CSMD1: variants seen among roughly 807,000 people sequenced by gnomAD.
CSMD1 encodes CUB and sushi domain-containing protein 1.
CSMD1 carries 213 observed loss-of-function variants against 417.5 expected under a neutral mutation model. That is an observed-to-expected ratio of 0.51 (90% CI 0.46 to 0.57). CSMD1 has a LOEUF of 0.57. CSMD1 is among the 20% of genes least tolerant of loss of function. The probability of loss-of-function intolerance (pLI) is 0.00; values close to 1 mark genes in which losing one functional copy is unlikely to be tolerated. For synonymous variants in CSMD1, 2,862 were observed against 1,736.8 expected (o/e 1.65, Z -16.11); for missense variants, 6,923 against 4,529.7 (o/e 1.53, Z -15.17).
chr8:3,234,137 C>T (rs188222580), intron 26 of CSMD1, among the ~76,000 whole-genome samples: 6 of 152,272 alleles, frequency 3.9e-5, no homozygotes, highest in Non-Finnish European at 7.4e-5. Context: ...GTGGAAGCTC[C>T]ACATCACAGA....
intron 3 of CSMD1, among the ~76,000 whole-genome samples, chr8:4,122,550 C>T (rs372016344): frequency 2.6e-5 from 4 of 152,138 alleles, no homozygotes; most frequent in Non-Finnish European, 5.9e-5. Context: ...GCCAGTCACC[C>T]CGTGCTTTCC....
intron 50 of CSMD1, among the ~76,000 whole-genome samples, chr8:3,034,124 G>T (rs1213397568): frequency 6.6e-6 from 1 of 152,198 alleles, no homozygotes; most frequent in East Asian, 1.9e-4. Context: ...CTGCCTGATT[G>T]ATACACCTAT....
At chr8:3,459,514 G>C (rs186100731) in intron 12 of CSMD1, among the ~76,000 whole-genome samples, 485 of 152,234 alleles carry the variant, frequency 3.2e-3, no homozygotes, top group African/African-American at 0.011. Flanking sequence ...TCGGAGACAC[G>C]GATGAGAGCA....
At chr8:4,957,056 T>A (rs1314198506) in intron 1 of CSMD1, among the ~76,000 whole-genome samples, 1 of 152,228 alleles carries the variant, frequency 6.6e-6, no homozygotes, top group Non-Finnish European at 1.5e-5. Flanking sequence ...GGAAACACAT[T>A]AATTTGAGAC....
intron 1 of CSMD1, among the ~76,000 whole-genome samples, chr8:4,925,606 GTGC>G (rs1366533697): frequency 6.6e-6 from 1 of 151,248 alleles, no homozygotes; most frequent in Non-Finnish European, 1.5e-5. Context: ...GAGTGCAGTG[GTGC>G]AGTCTCGGCT....
At chr8:3,410,652 T>C (rs111555932) in intron 12 of CSMD1, among the ~76,000 whole-genome samples, 2,683 of 152,336 alleles carry the variant, frequency 0.018, 80 homozygotes, top group African/African-American at 0.062. Context: ...CTTTTTCTTT[T>C]ATAAATTGCC....
intron 2 of CSMD1, among the ~76,000 whole-genome samples, chr8:4,528,795 C>G (rs1442560612): frequency 6.6e-6 from 1 of 152,062 alleles, no homozygotes; most frequent in African/African-American, 2.4e-5. Flanking sequence ...CTCTCTCTCT[C>G]TCTCTCTCTC....
chr8:4,266,683 A>G (rs1804250609), intron 3 of CSMD1, among the ~76,000 whole-genome samples: 1 of 104,942 alleles, frequency 9.5e-6, no homozygotes, highest in South Asian at 3.6e-4. Flanking sequence ...AAAATACATT[A>G]TCAAAGAATT....
chr8:4,313,042 G>A (rs912567330), intron 3 of CSMD1, among the ~76,000 whole-genome samples: 16 of 152,118 alleles, frequency 1.1e-4, no homozygotes, highest in African/African-American at 3.9e-4. Flanking sequence ...AATTTCTATA[G>A]AATAAACTAC....
At chr8:4,021,677 C>T (rs111372378) in intron 4 of CSMD1, among the ~76,000 whole-genome samples, 1 of 152,258 alleles carries the variant, frequency 6.6e-6, no homozygotes, top group Admixed American at 6.5e-5. Flanking sequence ...CGCATACCTG[C>T]GAAACTTGTT....
chr8:3,857,493 T>C (rs1002104860), intron 5 of CSMD1, among the ~76,000 whole-genome samples: 1 of 152,184 alleles, frequency 6.6e-6, no homozygotes, highest in Non-Finnish European at 1.5e-5. Context: ...TATATGAGGA[T>C]ACCTAAGTCC....
intron 7 of CSMD1, among the ~76,000 whole-genome samples, chr8:3,693,127 T>G (rs371895496): frequency 2.6e-5 from 4 of 152,166 alleles, no homozygotes; most frequent in African/African-American, 9.6e-5. Flanking sequence ...TAGATACCAA[T>G]AGATAGTCAC....
chr8:4,563,960 T>C (rs1798468634), intron 2 of CSMD1, among the ~76,000 whole-genome samples: 1 of 152,270 alleles, frequency 6.6e-6, no homozygotes, highest in South Asian at 2.1e-4. Context: ...ACTAAATATA[T>C]TGTTTTAGCT....
intron 10 of CSMD1, among the ~76,000 whole-genome samples, chr8:3,505,061 T>A (rs923143391): frequency 2.0e-5 from 3 of 151,662 alleles, no homozygotes; most frequent in Admixed American, 2.0e-4. Context: ...AATAAGCTAG[T>A]GAGAATTTCA....
At chr8:3,625,763 GT>G (rs1427334651) in intron 7 of CSMD1, among the ~76,000 whole-genome samples, 1 of 152,080 alleles carries the variant, frequency 6.6e-6, no homozygotes, top group Non-Finnish European at 1.5e-5. Context: ...GATCTCAGTA[GT>G]TTTGAACACT....
At chr8:4,286,759 A>G (rs1489921845) in intron 3 of CSMD1, among the ~76,000 whole-genome samples, 1 of 152,200 alleles carries the variant, frequency 6.6e-6, no homozygotes, top group Admixed American at 6.5e-5. Flanking sequence ...GATAAATATT[A>G]GTTTTCTTTC....
At chr8:3,274,551 G>A (rs945384803) in intron 26 of CSMD1, among the ~76,000 whole-genome samples, 10 of 152,100 alleles carry the variant, frequency 6.6e-5, no homozygotes, top group Non-Finnish European at 1.3e-4. Context: ...CATTATTAAT[G>A]TGTGGGAGTC....
chr8:4,546,523 G>C (rs1797643427), intron 2 of CSMD1, among the ~76,000 whole-genome samples: 2 of 152,132 alleles, frequency 1.3e-5, no homozygotes, highest in South Asian at 4.1e-4. Flanking sequence ...CTCTTTTCCA[G>C]AGCTGGGACC....
At chr8:4,501,813 G>A (rs1241252583) in intron 2 of CSMD1, among the ~76,000 whole-genome samples, 2 of 152,114 alleles carry the variant, frequency 1.3e-5, no homozygotes, top group Middle Eastern at 3.2e-3. Context: ...AGCGTAGTGG[G>A]CCTTATTTAT....
Sources: gnomAD v4.1 joint callset for allele counts (sites outside exome capture counted in the v4.1 genomes callset) on GRCh38, gnomAD v4.1.1 for gene constraint, MANE v1.5 for transcripts, NCBI Gene and HGNC (gene_info 2026-07-23, HGNC 2026-07-21) for gene names.